The following USP5 variants were observed in gnomAD, a reference collection of about 807,000 sequenced individuals.
The protein encoded by USP5 is ubiquitin specific peptidase 5.
A neutral mutation model predicts 102.5 loss-of-function variants in USP5; 24 were observed. The ratio of observed to expected loss-of-function variants is 0.23; its 90% CI spans 0.17 to 0.33. The LOEUF (loss-of-function observed/expected upper bound fraction) is 0.33. Ranked by LOEUF, USP5 falls within the 10% of genes least tolerant of loss-of-function variation. USP5 has a pLI of 1.00. For synonymous variants in USP5, 460 were observed against 434.8 expected (o/e 1.06, Z -0.72); for missense variants, 753 against 1,122.1 (o/e 0.67, Z 4.70).
rs1944267099 is a variant in USP5, at chr12:6,861,198, A to G, written c.1498+92A>G. The G allele has an allele frequency of 5.2e-6, 8 of 1,552,966 alleles. No homozygotes were observed. The highest frequency in any genetic ancestry group is 7.0e-6 in the Non-Finnish European group (8 of 1,150,104). ...ACCTCATGGGAGCACAGCCCAGGGAATGCCCTGCTTCACCAGCCAAGGTTC... is the reference window on the plus strand; with the variant it reads ...ACCTCATGGGAGCACAGCCCAGGGAGTGCCCTGCTTCACCAGCCAAGGTTC... On this transcript the variant is annotated intron_variant, in intron 12 of 19. Transcript: ENST00000229268. The surrounding 1 kb of genome is among the most constrained non-coding windows in gnomAD (Gnocchi z 4.9).
chr12:6,860,428 A>G lies in USP5; in HGVS notation c.1281A>G (p.Glu427=). 6.2e-7 allele frequency: 1 copy of G among 1,614,138 alleles called. No individual in the cohort carries two copies. Among genetic ancestry groups the G allele is most frequent in the Non-Finnish European group, 8.5e-7 (1 of 1,180,028 alleles). Residue 427 remains glutamate (E), a synonymous_variant, in exon 11 of 20, where the codon GAA becomes GAG. Coordinates refer to ENST00000229268, the MANE Select transcript of USP5 (RefSeq NM_001098536.2). This position sits in a 1 kb window ranked among gnomAD's most constrained non-coding sequence, Gnocchi z 5.5. ...FKALIGKGHP[E]FSTNRQQDAQ... is the part of the protein sequence containing the mutation. Reference sequence around the variant, plus strand: ...CCCTCATCGGCAAGGGCCACCCTGAATTCTCCACCAACCGGCAGCAGGATG... The same window carrying G: ...CCCTCATCGGCAAGGGCCACCCTGAGTTCTCCACCAACCGGCAGCAGGATG...
At chr12:6,853,631 C>T (rs1435426542) in intron 1 of USP5, among the ~76,000 whole-genome samples, 11 of 152,350 alleles carry the variant, frequency 7.2e-5, no homozygotes, top group Admixed American at 7.2e-4. Context: ...TCACTCCTGT[C>T]TCTCTCCTTA....
rs782170720 is a variant in USP5 at position 6,859,281 on chromosome 12, G to A, written c.1059-189G>A. Among the ~76,000 whole-genome samples, 282 of 152,268 alleles carry A rather than the reference G, an allele frequency of 1.9e-3. 1 individual carries two copies. Among genetic ancestry groups the A allele is most frequent in the African/African-American group, 6.4e-3 (268 of 41,552 alleles). ...GGCTCCTCTGCCGCCGAGCGTGCTT[G>A]CACATTGGACATAGCTGAGAAGGGG... On this transcript the variant is annotated intron_variant, in intron 8 of 19. Transcript: ENST00000229268.
chr12:6,857,804 G>A (rs782344804), intron 7 of USP5, 81 bp downstream of exon 7: 1 of 1,421,320 alleles, frequency 7.0e-7, no homozygotes, highest in South Asian at 1.2e-5. Context: ...CTGAGGTAGG[G>A]TTTTGGAGAA....
rs782336796 is a variant in USP5, at chr12:6,864,007, C to G, written c.2098+34C>G. ...GGGTGGGGAGCAGGGTGGGGCAGGGCCTCCATCCTCCCCCAAACACATCAA... is the reference window on the plus strand; with the variant it reads ...GGGTGGGGAGCAGGGTGGGGCAGGGGCTCCATCCTCCCCCAAACACATCAA... On this transcript the variant is annotated intron_variant, in intron 16 of 19. Transcript: ENST00000229268. The surrounding 1 kb of genome is among the most constrained non-coding windows in gnomAD (Gnocchi z 4.8). 3.2e-6 allele frequency: 5 copies of G among 1,579,450 alleles called. No homozygotes were observed. The highest frequency in any genetic ancestry group is 3.5e-6 in the Non-Finnish European group (4 of 1,157,604).
Position 6,857,619 on chromosome 12 carries a change from C to T in USP5, c.770-10C>T, listed in dbSNP as rs1555128614. 2 of 1,612,260 alleles carry T rather than the reference C, an allele frequency of 1.2e-6. No individual in the cohort carries two copies. The highest frequency in any genetic ancestry group is 1.3e-5 in the African/African-American group (1 of 74,966). On this transcript the variant is annotated splice_polypyrimidine_tract_variant and intron_variant, in intron 6 of 19. Transcript: ENST00000229268. ...ACTTCCCCTGATTCTCTTCCTGCCT[C>T]CTGCTCTAGACGTGTACTCATATGA...
Position 6,856,206 on chromosome 12 carries a change from G to T in USP5, c.438+56G>T, listed in dbSNP as rs1378031505. ...CTAGAGCAAGATGGGCCAGGGTAGTGGTGTCTTAGGCAAGCACTGACAAAG... is the reference window on the plus strand; with the variant it reads ...CTAGAGCAAGATGGGCCAGGGTAGTTGTGTCTTAGGCAAGCACTGACAAAG... On this transcript the variant is annotated intron_variant, in intron 4 of 19. Coordinates refer to ENST00000229268, the MANE Select transcript of USP5 (RefSeq NM_001098536.2). The surrounding 1 kb of genome is among the most constrained non-coding windows in gnomAD (Gnocchi z 5.6). 2 of 1,610,664 alleles carry T rather than the reference G, an allele frequency of 1.2e-6. No individual in the cohort carries two copies. Among genetic ancestry groups the T allele is most frequent in the Non-Finnish European group, 1.7e-6 (2 of 1,177,776 alleles).
At chr12:6,865,934 C>G in intron 19 of USP5, 50 bp from the exon 20 acceptor site, 2 of 1,543,846 alleles carry the variant, frequency 1.3e-6, no homozygotes, top group Non-Finnish European at 1.8e-6. Flanking sequence ...CATGATGCCA[C>G]TTTGAATGCC....
At position 6,863,265 on chromosome 12, in the gene USP5, G is replaced by A; in HGVS notation, c.1842G>A (p.Leu614=). 6.2e-7 allele frequency: 1 copy of A among 1,614,160 alleles called. No homozygotes were observed. The highest frequency in any genetic ancestry group is 1.6e-4 in the Middle Eastern group (1 of 6,062). ...GGCTGCAGCCCGGAGAGGAGGAGCT[G>A]CCAGACATTGCCCCACCCCTGGTCA... is the stretch of plus-strand genomic sequence containing the variant. The part of the protein sequence containing the change: ...GTGLQPGEEE[L]PDIAPPLVTP... The change falls in exon 15 of 20, where the codon CTG becomes CTA. Residue 614 remains leucine, a synonymous_variant. Transcript: ENST00000229268. The surrounding 1 kb of genome is among the most constrained non-coding windows in gnomAD (Gnocchi z 4.7).
In USP5 at chr12:6,864,193, A is replaced by G. The variant is rs1176631670; in HGVS notation, c.2242A>G (p.Thr748Ala). 4 of 1,605,730 alleles carry G rather than the reference A, an allele frequency of 2.5e-6. No homozygotes were observed. Among genetic ancestry groups the G allele is most frequent in the Middle Eastern group, 1.7e-4 (1 of 6,018 alleles). ...RDQALKALRA[T>A]NNSLERAVDW... Reference sequence around the variant, plus strand: ...CCAGGCCTTGAAAGCGCTGCGGGCCACGGTATGGGCTGCCCCAGCTAAGGA... The same window carrying G: ...CCAGGCCTTGAAAGCGCTGCGGGCCGCGGTATGGGCTGCCCCAGCTAAGGA... The change falls in exon 17 of 20, where the codon ACG becomes GCG. Residue 748 changes from threonine to alanine, a missense_variant and splice_region_variant. By Grantham distance (58) the Thr-to-Ala change is moderately conservative. Coordinates refer to ENST00000229268, the MANE Select transcript of USP5 (RefSeq NM_001098536.2). The surrounding 1 kb of genome is among the most constrained non-coding windows in gnomAD (Gnocchi z 4.8).
At position 6,864,820 on chromosome 12, in the gene USP5, C is replaced by T. The variant is rs137961270; in HGVS notation, c.2343C>T (p.Ala781=). The change falls in exon 18 of 20, where the codon GCC becomes GCT. Residue 781 remains alanine (A), a synonymous_variant. Transcript: ENST00000229268. This position sits in a 1 kb window ranked among gnomAD's most constrained non-coding sequence, Gnocchi z 4.8. ...ACATCTCAGAGGGCCGCTCAGCTGC[C>T]GACTCCATCTCTGAGTCTGTGCCAG... ...AMDISEGRSA[A]DSISESVPVG... 4.3e-5 allele frequency: 69 copies of T among 1,614,012 alleles called. 1 individual carries two copies. The South Asian group carries it at 6.1e-4, about 14-fold the overall frequency.
rs1944086810 is a variant in USP5, at chr12:6,855,628, G to A, written c.237+102G>A. ...TTTCACCTACTTTTGTGTCATTAAAGCTTGGCACAGATGTTTTTTAGCTTT... is the reference window on the plus strand; with the variant it reads ...TTTCACCTACTTTTGTGTCATTAAAACTTGGCACAGATGTTTTTTAGCTTT... On this transcript the variant is annotated intron_variant, in intron 2 of 19. Coordinates refer to ENST00000229268, the MANE Select transcript of USP5 (RefSeq NM_001098536.2). This position sits in a 1 kb window ranked among gnomAD's most constrained non-coding sequence, Gnocchi z 4.6. 3 of 1,587,520 alleles carry A rather than the reference G, an allele frequency of 1.9e-6. No individual in the cohort carries two copies. The African/African-American group carries it at 4.1e-5, about 22-fold the overall frequency.
In USP5 at chr12:6,864,649, A is replaced by T. The variant is rs782818715; in HGVS notation, c.2245-73A>T. ...GCTTGCAGTGAGCCGAGATCGCGCC[A>T]CTGCACTCCAGCCTGGGCGACAGAG... On this transcript the variant is annotated intron_variant, in intron 17 of 19. Transcript: ENST00000229268. This position sits in a 1 kb window ranked among gnomAD's most constrained non-coding sequence, Gnocchi z 4.8. The T allele has an allele frequency of 2.0e-6, 3 of 1,517,762 alleles. No individual in the cohort carries two copies. Among genetic ancestry groups the T allele is most frequent in the East Asian group, 2.3e-5 (1 of 43,602 alleles). 94.0% of individuals were successfully genotyped at this position (1,517,762 alleles called of 1,614,324 possible). A position where few individuals can be genotyped will look rare whatever the true frequency, so the allele number is the denominator to read the frequency against.
intron 6 of USP5, 152 bp downstream of exon 6, chr12:6,857,043 T>C (rs2138043553): frequency 9.2e-7 from 1 of 1,088,018 alleles, no homozygotes; most frequent in South Asian, 1.6e-5. Context: ...CCCAACACTT[T>C]GGGAGGCCAA....
Position 6,864,646 on chromosome 12 carries a change from G to A in USP5, c.2245-76G>A, listed in dbSNP as rs1013632253. The stretch of plus-strand genomic sequence containing the variant: ...GGAGCTTGCAGTGAGCCGAGATCGC[G>A]CCACTGCACTCCAGCCTGGGCGACA... On this transcript the variant is annotated intron_variant, in intron 17 of 19. Coordinates refer to ENST00000229268, the MANE Select transcript of USP5 (RefSeq NM_001098536.2). The surrounding 1 kb of genome is among the most constrained non-coding windows in gnomAD (Gnocchi z 4.8). The A allele has an allele frequency of 4.9e-5, 74 of 1,500,400 alleles. No homozygotes were observed. Among genetic ancestry groups the A allele is most frequent in the Middle Eastern group, 1.9e-4 (1 of 5,186 alleles). The allele number at this position is 1,500,400 out of a possible 1,614,324, so 92.9% of individuals were successfully genotyped here. A position where few individuals can be genotyped will look rare whatever the true frequency, so the allele number is the denominator to read the frequency against.
rs782650448 is a variant in USP5, at chr12:6,852,151, C to CCGTGTGTGGAGAAGCTGCTGCCGGTG, written c.-28_-3dup. 6.3e-7 allele frequency: 1 copy of CCGTGTGTGGAGAAGCTGCTGCCGGTG among 1,593,776 alleles called. No homozygotes were observed. Among genetic ancestry groups the CCGTGTGTGGAGAAGCTGCTGCCGGTG allele is most frequent in the Non-Finnish European group, 8.5e-7 (1 of 1,170,184 alleles). On this transcript the variant is annotated 5_prime_UTR_variant, in exon 1 of 20. Transcript: ENST00000229268. Reference sequence around the variant, plus strand: ...AGGGGACTGGGAACGGTGGGAGCCGCCGTGTGTGGAGAAGCTGCTGCCGGT... The same window carrying CCGTGTGTGGAGAAGCTGCTGCCGGTG: ...AGGGGACTGGGAACGGTGGGAGCCGCCGTGTGTGGAGAAGCTGCTGCCGGTGCGTGTGTGGAGAAGCTGCTGCCGGT...
chr12:6,864,995 TG>T lies in USP5; in HGVS notation c.2398+122del. The T allele has an allele frequency of 7.0e-7, 1 of 1,429,518 alleles. No homozygotes were observed. 88.6% of individuals were successfully genotyped at this position (1,429,518 alleles called of 1,614,324 possible). A position where few individuals can be genotyped will look rare whatever the true frequency, so the allele number is the denominator to read the frequency against. On this transcript the variant is annotated intron_variant, in intron 18 of 19. Transcript: ENST00000229268. This position sits in a 1 kb window ranked among gnomAD's most constrained non-coding sequence, Gnocchi z 4.8. The stretch of plus-strand genomic sequence containing the variant: ...TCAGGGGCTTCTTTCCACCTCAACG[TG>T]GCATCTGAGGGTGGGGTTCTCTGAC...
chr12:6,858,705 T>A lies in USP5; in HGVS notation c.1058+88T>A. On this transcript the variant is annotated intron_variant, in intron 8 of 19. Coordinates refer to ENST00000229268, the MANE Select transcript of USP5 (RefSeq NM_001098536.2). The surrounding 1 kb of genome is among the most constrained non-coding windows in gnomAD (Gnocchi z 4.2). ...CCTTCAGCTTCCCTCAGCACCTCTG[T>A]GTTTGATTCTAGTCTTAGAGTAGTT... 8.0e-7 allele frequency: 1 copy of A among 1,254,882 alleles called. No individual in the cohort carries two copies. The highest frequency in any genetic ancestry group is 1.1e-6 in the Non-Finnish European group (1 of 899,080). 77.7% of individuals were successfully genotyped at this position (1,254,882 alleles called of 1,614,324 possible).
In USP5 at chr12:6,860,715, G is replaced by C. The variant is rs1201287611; in HGVS notation, c.1344+224G>C. On this transcript the variant is annotated intron_variant, in intron 11 of 19. Coordinates refer to ENST00000229268, the MANE Select transcript of USP5 (RefSeq NM_001098536.2). The surrounding 1 kb of genome is among the most constrained non-coding windows in gnomAD (Gnocchi z 5.5). ...AGATTATGCCCAAAGACAATGATAAGAGAATACTTGCTGCTTATAAAGAAA... is the reference window on the plus strand; with the variant it reads ...AGATTATGCCCAAAGACAATGATAACAGAATACTTGCTGCTTATAAAGAAA... 6.6e-6 allele frequency among the ~76,000 whole-genome samples: 1 copy of C among 152,206 alleles called. No individual in the cohort carries two copies. Among genetic ancestry groups the C allele is most frequent in the East Asian group, 1.9e-4 (1 of 5,194 alleles).
Sources: allele counts gnomAD v4.1 joint callset (sites outside exome capture counted in the v4.1 genomes callset), GRCh38; gene constraint gnomAD v4.1.1; non-coding constraint Gnocchi (gnomAD v3.1); transcripts MANE v1.5; gene names NCBI Gene and HGNC (gene_info 2026-07-23, HGNC 2026-07-21).